The following SNTG1 variants were observed in gnomAD, a reference collection of about 807,000 sequenced individuals.
SNTG1 encodes syntrophin gamma 1.
SNTG1 carries 39 observed loss-of-function variants against 74.7 expected under a neutral mutation model. The observed-to-expected ratio is 0.52, with a 90% CI of 0.40 to 0.68. The LOEUF is 0.68. Ranked by LOEUF, SNTG1 falls within the 30% of genes least tolerant of loss-of-function variation. The pLI, the probability that SNTG1 is intolerant of heterozygous loss-of-function variation, is 0.00. For missense variants in SNTG1, 685 were observed against 609.5 expected, an observed-to-expected ratio of 1.12 and a Z score of -1.30; for synonymous variants, 254 against 217.1, an observed-to-expected ratio of 1.17 and a Z score of -1.49.
chr8:50,025,829 G>A (rs909557303), intron 1 of SNTG1, among the ~76,000 whole-genome samples: 8 of 152,104 alleles, frequency 5.3e-5, no homozygotes, highest in African/African-American at 1.7e-4. Context: ...CTTCTCTCAT[G>A]GTTATGTGTT....
chr8:50,308,313 A>G (rs112899754), intron 2 of SNTG1, among the ~76,000 whole-genome samples: 1 of 151,978 alleles, frequency 6.6e-6, no homozygotes, highest in African/African-American at 2.4e-5. Context: ...TTCTTTATTT[A>G]GTTCTTCCAT....
chr8:50,442,856 C>A (rs963315244), intron 5 of SNTG1, among the ~76,000 whole-genome samples: 1 of 152,106 alleles, frequency 6.6e-6, no homozygotes, highest in Non-Finnish European at 1.5e-5. Context: ...TCCTTTGAAG[C>A]GGGCAGATTC....
At chr8:50,309,398 A>G (rs928599534) in intron 2 of SNTG1, among the ~76,000 whole-genome samples, 1 of 151,732 alleles carries the variant, frequency 6.6e-6, no homozygotes, top group African/African-American at 2.4e-5. Context: ...AAATGTACTG[A>G]TTATTTCAAG....
At chr8:50,551,908 G>T (rs768943891) in intron 11 of SNTG1, among the ~76,000 whole-genome samples, 3 of 152,134 alleles carry the variant, frequency 2.0e-5, no homozygotes, top group Non-Finnish European at 4.4e-5. Flanking sequence ...CATGTGCCCA[G>T]TTCTGAGACA....
intron 1 of SNTG1, among the ~76,000 whole-genome samples, chr8:49,916,616 A>C (rs1806061305): frequency 6.6e-6 from 1 of 152,214 alleles, no homozygotes; most frequent in East Asian, 1.9e-4. Context: ...TAAAAGAATA[A>C]GTGCTTGCCT....
intron 1 of SNTG1, among the ~76,000 whole-genome samples, chr8:49,987,649 CTT>C (rs35381511): frequency 1.2e-3 from 156 of 131,520 alleles, no homozygotes; most frequent in African/African-American, 4.2e-3. Context: ...TTAAATTAAC[CTT>C]TTTTTTTTTT....
intron 1 of SNTG1, among the ~76,000 whole-genome samples, chr8:50,010,153 C>G (rs1815636341): frequency 6.6e-6 from 1 of 152,090 alleles, no homozygotes; most frequent in African/African-American, 2.4e-5. Context: ...GGATTTTGCT[C>G]TTAGTAGTCT....
chr8:50,350,552 T>G (rs894474532), intron 2 of SNTG1, among the ~76,000 whole-genome samples: 2 of 151,332 alleles, frequency 1.3e-5, no homozygotes, highest in African/African-American at 4.9e-5. Context: ...GCTACTCTGG[T>G]GGGGACTTGG....
intron 8 of SNTG1, among the ~76,000 whole-genome samples, chr8:50,459,422 G>T (rs911931379): frequency 6.6e-6 from 1 of 151,794 alleles, no homozygotes; most frequent in Admixed American, 6.6e-5. Flanking sequence ...AAGAGAGGAG[G>T]TAATTAAAAT....
chr8:50,726,247 T>A (rs2095499804), intron 17 of SNTG1, among the ~76,000 whole-genome samples: 1 of 152,170 alleles, frequency 6.6e-6, no homozygotes. Flanking sequence ...TTTCTAAAAA[T>A]TAATAAATAA....
chr8:50,669,353 G>C (rs189011571), intron 15 of SNTG1, among the ~76,000 whole-genome samples: 6 of 152,152 alleles, frequency 3.9e-5, no homozygotes, highest in East Asian at 1.9e-4. Flanking sequence ...AAATGATAAA[G>C]GGGATATCAC....
intron 1 of SNTG1, among the ~76,000 whole-genome samples, chr8:50,146,907 G>T (rs2081891220): frequency 6.6e-6 from 1 of 150,652 alleles, no homozygotes; most frequent in South Asian, 2.1e-4. Context: ...TATACATTCT[G>T]GATATAAATT....
chr8:50,150,050 T>G (rs1427526653), intron 1 of SNTG1, among the ~76,000 whole-genome samples: 4 of 151,086 alleles, frequency 2.6e-5, no homozygotes, highest in African/African-American at 9.8e-5. Flanking sequence ...TCCGTTTGTT[T>G]GTATCCTCTT....
chr8:50,046,818 T>C (rs1819128837), intron 1 of SNTG1, among the ~76,000 whole-genome samples: 2 of 152,212 alleles, frequency 1.3e-5, no homozygotes, highest in Non-Finnish European at 2.9e-5. Flanking sequence ...TGTTATGTCT[T>C]AGCCTCCTTT....
At chr8:50,314,197 T>C (rs1474289437) in intron 2 of SNTG1, among the ~76,000 whole-genome samples, 1 of 149,586 alleles carries the variant, frequency 6.7e-6, no homozygotes, top group Non-Finnish European at 1.5e-5. Flanking sequence ...TCAGTGTTTT[T>C]ATTTAATTTT....
chr8:50,353,450 A>G (rs1408789477), intron 2 of SNTG1, among the ~76,000 whole-genome samples: 1 of 152,232 alleles, frequency 6.6e-6, no homozygotes, highest in Non-Finnish European at 1.5e-5. Flanking sequence ...CACTAAAATT[A>G]GCATTGCAAA....
At chr8:50,748,515 G>A (rs966779048) in intron 17 of SNTG1, among the ~76,000 whole-genome samples, 1 of 151,968 alleles carries the variant, frequency 6.6e-6, no homozygotes, top group Admixed American at 6.6e-5. Flanking sequence ...ATTGACATAA[G>A]TGCTAATTTA....
At chr8:50,688,604 C>G (rs570243412) in intron 15 of SNTG1, among the ~76,000 whole-genome samples, 13 of 152,184 alleles carry the variant, frequency 8.5e-5, no homozygotes, top group Non-Finnish European at 1.9e-4. Flanking sequence ...CTGTTCTGTT[C>G]CATTGGTCTC....
At chr8:50,433,739 A>G (rs2093269373) in intron 4 of SNTG1, among the ~76,000 whole-genome samples, 1 of 152,154 alleles carries the variant, frequency 6.6e-6, no homozygotes, top group South Asian at 2.1e-4. Context: ...ACTTTGTTTC[A>G]TGACCTGTGC....
Sources: allele counts gnomAD v4.1 joint callset (sites outside exome capture counted in the v4.1 genomes callset), GRCh38; gene constraint gnomAD v4.1.1; transcripts MANE v1.5; gene names NCBI Gene and HGNC (gene_info 2026-07-23, HGNC 2026-07-21).